The following CSNK1G1 variants were observed in gnomAD, a reference collection of about 807,000 sequenced individuals.
CSNK1G1 encodes casein kinase 1 gamma 1.
CSNK1G1 carries 22 observed loss-of-function variants against 59.6 expected under a neutral mutation model. That is an observed-to-expected ratio of 0.37 (90% CI 0.26 to 0.53). CSNK1G1 has a LOEUF of 0.53. CSNK1G1 is among the 20% of genes least tolerant of loss of function. The pLI, the probability that CSNK1G1 is intolerant of heterozygous loss-of-function variation, is 0.89. For synonymous variants in CSNK1G1, 179 were observed against 177.1 expected (o/e 1.01, Z -0.08); for missense variants, 384 against 519.5 (o/e 0.74, Z 2.54).
At chr15:64,181,985 ACTT>A (rs368939208) in intron 10 of CSNK1G1, 69 of 151,036 alleles carry the variant, frequency 4.6e-4, no homozygotes, top group African/African-American at 1.7e-3. Context: ...GGTGAATACT[ACTT>A]ACTAGCAAGC....
chr15:64,271,232 C>T (rs551518542), intron 2 of CSNK1G1, among the ~76,000 whole-genome samples: 2 of 152,172 alleles, frequency 1.3e-5, no homozygotes, highest in South Asian at 4.1e-4. Flanking sequence ...AAGTGATCCG[C>T]CTGTCTCAGC....
At chr15:64,245,616 T>C (rs1170509780) in intron 4 of CSNK1G1, among the ~76,000 whole-genome samples, 2 of 151,888 alleles carry the variant, frequency 1.3e-5, no homozygotes, top group Non-Finnish European at 2.9e-5. Context: ...GGAAATACTA[T>C]TCACCCATAA....
chr15:64,306,360 T>C (rs1032956207), intron 1 of CSNK1G1, among the ~76,000 whole-genome samples: 1 of 152,162 alleles, frequency 6.6e-6, no homozygotes, highest in Non-Finnish European at 1.5e-5. Context: ...AAAGAAGATA[T>C]ACGGATGGCA....
At chr15:64,271,516 C>T (rs984150113) in intron 2 of CSNK1G1, among the ~76,000 whole-genome samples, 9 of 151,544 alleles carry the variant, frequency 5.9e-5, no homozygotes, top group Admixed American at 1.3e-4. Flanking sequence ...CTTGAACTCC[C>T]GAGCTCAAGC....
chr15:64,228,504 C>T (rs570336541), intron 4 of CSNK1G1, among the ~76,000 whole-genome samples: 7 of 152,168 alleles, frequency 4.6e-5, no homozygotes, highest in East Asian at 1.9e-4. Flanking sequence ...GGCGTGGTGG[C>T]GCACGCCTGT....
intron 4 of CSNK1G1, among the ~76,000 whole-genome samples, chr15:64,250,616 A>G (rs1044113299): frequency 2.6e-5 from 4 of 152,214 alleles, no homozygotes; most frequent in East Asian, 3.9e-4. Flanking sequence ...GTGGTGGTGC[A>G]TGCCTACAGT....
chr15:64,257,344 G>A (rs889606389), intron 3 of CSNK1G1, among the ~76,000 whole-genome samples: 1 of 152,094 alleles, frequency 6.6e-6, no homozygotes, highest in Non-Finnish European at 1.5e-5. Context: ...TAACAAATAT[G>A]TAGTAATGTA....
intron 2 of CSNK1G1, among the ~76,000 whole-genome samples, chr15:64,296,254 A>AG (rs1895016655): frequency 1.3e-5 from 2 of 152,190 alleles, no homozygotes; most frequent in Admixed American, 6.5e-5. Context: ...CCAAGTAGCT[A>AG]GGACTACAGG....
At chr15:64,238,399 G>C (rs2082644096) in intron 4 of CSNK1G1, among the ~76,000 whole-genome samples, 1 of 148,742 alleles carries the variant, frequency 6.7e-6, no homozygotes, top group Non-Finnish European at 1.5e-5. Context: ...AGGCTGAAGT[G>C]AGAGGATCTC....
intron 2 of CSNK1G1, among the ~76,000 whole-genome samples, chr15:64,283,700 C>G (rs1336874313): frequency 6.6e-6 from 1 of 152,158 alleles, no homozygotes; most frequent in Non-Finnish European, 1.5e-5. Flanking sequence ...CCAGGCTGGT[C>G]TCAAACTCCT....
At position 64,180,155 on chromosome 15, in the gene CSNK1G1, C is replaced by A; in HGVS notation, c.1214+193G>T. On this transcript the variant is annotated intron_variant, in intron 11 of 11. Coordinates refer to ENST00000303052, the MANE Select transcript of CSNK1G1 (RefSeq NM_022048.5). ...ATGTGAACTAGAAAAATGTGACTGT[C>A]TTCCCCGAAATCACAGCTAAAGAAG... 9 of 562,118 alleles carry A rather than the reference C, an allele frequency of 1.6e-5. No homozygotes were observed. The South Asian group carries it at 2.0e-4, about 12-fold the overall frequency. The allele number at this position is 562,118 out of a possible 1,614,324, so 34.8% of individuals were successfully genotyped here. A position where few individuals can be genotyped will look rare whatever the true frequency, so the allele number is the denominator to read the frequency against.
chr15:64,222,933 A>G (rs775836940), intron 4 of CSNK1G1, among the ~76,000 whole-genome samples: 10 of 152,342 alleles, frequency 6.6e-5, no homozygotes, highest in Non-Finnish European at 1.2e-4. Flanking sequence ...CTTTTGAAGG[A>G]AAGAATTTTA....
intron 4 of CSNK1G1, among the ~76,000 whole-genome samples, chr15:64,239,174 A>T (rs1280659428): frequency 1.6e-4 from 24 of 152,196 alleles, no homozygotes; most frequent in Admixed American, 1.6e-3. Flanking sequence ...CACTCTAGAA[A>T]GTTTAAGAGA....
chr15:64,322,037 CT>C (rs1896593069), intron 1 of CSNK1G1, among the ~76,000 whole-genome samples: 1 of 152,132 alleles, frequency 6.6e-6, no homozygotes, highest in African/African-American at 2.4e-5. Flanking sequence ...TAGTAAATAT[CT>C]TTTGCCTTCT....
Position 64,327,375 on chromosome 15 carries a change from C to A in CSNK1G1, c.-224-26652G>T, listed in dbSNP as rs542802130. On this transcript the variant is annotated intron_variant, in intron 1 of 11. Coordinates refer to ENST00000303052, the MANE Select transcript of CSNK1G1 (RefSeq NM_022048.5). ...AAGTGGGTCCCTGACCCCTGACCCC[C>A]GAGCAGCCTAACTGGGAGGCACTCC... Among the ~76,000 whole-genome samples the A allele has an allele frequency of 8.2e-3, 1,232 of 150,596 alleles. 18 individuals carry two copies. Among genetic ancestry groups the A allele is most frequent in the African/African-American group, 0.028 (1,154 of 40,804 alleles).
rs115873579 is a variant in CSNK1G1 at position 64,225,923 on chromosome 15, G to A, written c.293-9210C>T. On this transcript the variant is annotated intron_variant, in intron 4 of 11. Transcript: ENST00000303052. The stretch of plus-strand genomic sequence containing the variant: ...ATTACAGGCGTGAGACACTGCTCCC[G>A]GCTTACCATATTCTTTTAATTCAAT... 7.9e-3 allele frequency among the ~76,000 whole-genome samples: 1,209 copies of A among 152,190 alleles called. 16 individuals carry two copies. Among genetic ancestry groups the A allele is most frequent in the African/African-American group, 0.028 (1,160 of 41,544 alleles).
At chr15:64,263,919 T>C (rs1892842282) in intron 2 of CSNK1G1, among the ~76,000 whole-genome samples, 1 of 151,292 alleles carries the variant, frequency 6.6e-6, no homozygotes, top group Admixed American at 6.6e-5. Flanking sequence ...CTACCTATAA[T>C]TATTTATGCA....
At chr15:64,217,322 A>G (rs2082324880) in intron 4 of CSNK1G1, among the ~76,000 whole-genome samples, 1 of 152,224 alleles carries the variant, frequency 6.6e-6, no homozygotes, top group Non-Finnish European at 1.5e-5. Context: ...TTGGTTGCTG[A>G]TAAGTGCTGA....
intron 1 of CSNK1G1, among the ~76,000 whole-genome samples, chr15:64,325,911 G>A (rs1596280135): frequency 6.6e-6 from 1 of 152,264 alleles, no homozygotes; most frequent in African/African-American, 2.4e-5. Flanking sequence ...GATTCCAGTG[G>A]TGCTACCCAC....
Sources: allele counts gnomAD v4.1 joint callset (sites outside exome capture counted in the v4.1 genomes callset), GRCh38; gene constraint gnomAD v4.1.1; transcripts MANE v1.5; gene names NCBI Gene and HGNC (gene_info 2026-07-23, HGNC 2026-07-21).